Variants in CD8B2 observed in about 807,000 individuals in gnomAD.
CD8B2 encodes T-cell surface glycoprotein CD8 beta-2 chain.
Under a neutral mutation model 23.7 loss-of-function variants are expected in CD8B2, and 11 were observed. The ratio of observed to expected loss-of-function variants is 0.46; its 90% confidence interval spans 0.29 to 0.77. The LOEUF (loss-of-function observed/expected upper bound fraction) is 0.77, where lower values mean the gene tolerates loss of function less well. CD8B2 is among the 30% of genes least tolerant of loss of function. CD8B2 has a pLI of 0.09. For synonymous variants in CD8B2, 90 were observed against 109.3 expected (o/e 0.82, Z 1.10); for missense variants, 197 against 270.5 (o/e 0.73, Z 1.91).
intron 5 of CD8B2, among the ~76,000 whole-genome samples, chr2:106,506,144 A>T (rs1424968126): frequency 3.9e-5 from 6 of 152,160 alleles, no homozygotes; most frequent in Non-Finnish European, 7.4e-5. Context: ...TCAAAAAAAA[A>T]AAAAGAAAGT....
chr2:106,536,200 A>G (rs1419775220), intron 5 of CD8B2, among the ~76,000 whole-genome samples: 2 of 152,126 alleles, frequency 1.3e-5, no homozygotes, highest in South Asian at 4.2e-4. Context: ...GTGCCTGGCT[A>G]ATTTTGTATT....
rs1679560329 is a variant in CD8B2, at chr2:106,508,655, G to A, written c.*1715G>A. 6.6e-6 allele frequency: 1 copy of A among 152,298 alleles called. No individual in the cohort carries two copies. Among genetic ancestry groups the A allele is most frequent in the South Asian group, 2.1e-4 (1 of 4,820 alleles). The allele number at this position is 152,298 out of a possible 1,614,324, so 9.4% of individuals were successfully genotyped here. A position where few individuals can be genotyped will look rare whatever the true frequency, so the allele number is the denominator to read the frequency against. On this transcript the variant is annotated 3_prime_UTR_variant, in exon 6 of 6. Coordinates refer to ENST00000643224, the MANE Select transcript of CD8B2 (RefSeq NM_001349727.2). ...CATGGGCCCAATTGCAAAGTTTTCTGGGTTTTAAGTACCCCTTTTGAGGTA... is the reference window on the plus strand; with the variant it reads ...CATGGGCCCAATTGCAAAGTTTTCTAGGTTTTAAGTACCCCTTTTGAGGTA...
Position 106,507,057 on chromosome 2 carries a change from G to A in CD8B2, c.*117G>A. 6.6e-7 allele frequency: 1 copy of A among 1,504,344 alleles called. No homozygotes were observed. Among genetic ancestry groups the A allele is most frequent in the Non-Finnish European group, 8.9e-7 (1 of 1,125,988 alleles). 93.2% of individuals were successfully genotyped at this position (1,504,344 alleles called of 1,614,324 possible). ...CCTGGAGAGTTCAATGGCTGCTGAA[G>A]CTGCCTGCTTTTCACTGCTGCAAGG... On this transcript the variant is annotated 3_prime_UTR_variant, in exon 6 of 6. Coordinates refer to ENST00000643224, the MANE Select transcript of CD8B2 (RefSeq NM_001349727.2).
rs553598297 is a variant in CD8B2, at chr2:106,538,900, GTCC to G, written c.621-5091_621-5089del. ...TCTGAAACAGTCTCATATGCAGTGT[GTCC>G]CCCTCCCAGAGCTTGTGCACGGTGT... On this transcript the variant is annotated intron_variant, in intron 5 of 5. Transcript: ENST00000416057. Among the ~76,000 whole-genome samples, 261 of 152,202 alleles carry G rather than the reference GTCC, an allele frequency of 1.7e-3. 1 individual carries two copies. Among genetic ancestry groups the G allele is most frequent in the Non-Finnish European group, 3.0e-3 (206 of 68,020 alleles).
rs1465552621 is a variant in CD8B2 at position 106,508,314 on chromosome 2, A to AT, written c.*1374_*1375insT. The AT allele has an allele frequency of 1.3e-5, 2 of 152,126 alleles. No individual in the cohort carries two copies. Among genetic ancestry groups the AT allele is most frequent in the Non-Finnish European group, 2.9e-5 (2 of 68,040 alleles). The allele number at this position is 152,126 out of a possible 1,614,324, so 9.4% of individuals were successfully genotyped here. On this transcript the variant is annotated 3_prime_UTR_variant, in exon 6 of 6. Transcript: ENST00000643224. ...CAGGTTATGTTCAGTTACCTGTGACAACCACAGAATGTAAGAAATGTTACA... is the reference window on the plus strand; with the variant it reads ...CAGGTTATGTTCAGTTACCTGTGACATACCACAGAATGTAAGAAATGTTACA...
chr2:106,542,230 T>C (rs574592191), intron 5 of CD8B2, among the ~76,000 whole-genome samples: 4 of 152,352 alleles, frequency 2.6e-5, no homozygotes, highest in African/African-American at 9.6e-5. Context: ...CGCATCCCTC[T>C]GATATAACAG....
At chr2:106,492,377 T>C (rs1558874708) in intron 2 of CD8B2, among the ~76,000 whole-genome samples, 1 of 152,178 alleles carries the variant, frequency 6.6e-6, no homozygotes, top group Non-Finnish European at 1.5e-5. Context: ...TTTAACTCAA[T>C]TTATTAACTA....
intron 5 of CD8B2, among the ~76,000 whole-genome samples, chr2:106,539,969 T>C (rs1330903956): frequency 6.6e-6 from 1 of 152,252 alleles, no homozygotes; most frequent in Non-Finnish European, 1.5e-5. Context: ...TTTGGTTTAT[T>C]GTTATTCTTG....
At chr2:106,540,532 G>A (rs1225922994) in intron 5 of CD8B2, among the ~76,000 whole-genome samples, 2 of 152,000 alleles carry the variant, frequency 1.3e-5, no homozygotes, top group South Asian at 2.1e-4. Flanking sequence ...GTCTTGAGGG[G>A]GAAAAAGTAA....
chr2:106,516,415 G>A (rs1679730872), intron 5 of CD8B2, among the ~76,000 whole-genome samples: 1 of 152,168 alleles, frequency 6.6e-6, no homozygotes, highest in Non-Finnish European at 1.5e-5. Flanking sequence ...CTTTCCCGAT[G>A]TACCCCTGGT....
At chr2:106,521,213 G>T (rs557949404) in intron 5 of CD8B2, among the ~76,000 whole-genome samples, 1 of 152,182 alleles carries the variant, frequency 6.6e-6, no homozygotes, top group African/African-American at 2.4e-5. Flanking sequence ...GGAGAAGCTG[G>T]CCACCACACT....
intron 5 of CD8B2, among the ~76,000 whole-genome samples, chr2:106,534,482 A>G (rs539558486): frequency 3.0e-4 from 46 of 152,350 alleles, no homozygotes; most frequent in African/African-American, 9.9e-4. Flanking sequence ...TCATTGTAAC[A>G]GAAGAAGCAA....
At chr2:106,539,070 G>A (rs1474890170) in intron 5 of CD8B2, among the ~76,000 whole-genome samples, 5 of 152,226 alleles carry the variant, frequency 3.3e-5, no homozygotes, top group Admixed American at 6.5e-5. Context: ...AAGTGAACAC[G>A]TGTTCACTTA....
chr2:106,495,493 C>T (rs1408820052), intron 2 of CD8B2, among the ~76,000 whole-genome samples: 26 of 152,054 alleles, frequency 1.7e-4, no homozygotes, highest in Non-Finnish European at 2.4e-4. Context: ...GAGCCGAGAT[C>T]GTGCCACTGC....
downstream of CD8B2, among the ~76,000 whole-genome samples, chr2:106,511,825 C>T (rs2104563685): frequency 6.6e-6 from 1 of 152,322 alleles, no homozygotes; most frequent in African/African-American, 2.4e-5. Context: ...AGTTACATAA[C>T]TCAAACAGAA....
intron 3 of CD8B2, among the ~76,000 whole-genome samples, chr2:106,499,211 C>G (rs1317883460): frequency 6.6e-6 from 1 of 152,092 alleles, no homozygotes; most frequent in African/African-American, 2.4e-5. Context: ...ATCCCTGCGA[C>G]CTGCACCCAC....
intron 5 of CD8B2, among the ~76,000 whole-genome samples, chr2:106,524,967 C>A (rs1002393743): frequency 6.6e-6 from 1 of 152,194 alleles, no homozygotes; most frequent in African/African-American, 2.4e-5. Context: ...CTCAGCCAGT[C>A]TCCAGCAGTC....
Position 106,504,297 on chromosome 2 carries a change from A to G in CD8B2, c.592A>G (p.Arg198Gly). 6.4e-7 allele frequency: 1 copy of G among 1,555,678 alleles called. No individual in the cohort carries two copies. The highest frequency in any genetic ancestry group is 1.2e-5 in the South Asian group (1 of 84,262). ...GVAMHLCCRR[R>G]RARLRFMKQF... ...TTGCTTTCCTCTTCCAGGCCGGCGG[A>G]GGAGAGCCCGGCTTCGTTTCATGAA... Residue 198 changes from arginine (R) to glycine (G), a missense_variant, in exon 5 of 6, where the codon AGG (arginine) becomes GGG (glycine). Transcript: ENST00000643224.
At chr2:106,503,543 AAAATG>A in intron 4 of CD8B2, among the ~76,000 whole-genome samples, 1 of 152,390 alleles carries the variant, frequency 6.6e-6, no homozygotes, top group East Asian at 1.9e-4. Flanking sequence ...TAACATGCAT[AAAATG>A]TTAAATAAGC....
Sources: gnomAD v4.1 joint callset for allele counts (sites outside exome capture counted in the v4.1 genomes callset) on GRCh38, gnomAD v4.1.1 for gene constraint, MANE v1.5 for transcripts, NCBI Gene and HGNC (gene_info 2026-07-23, HGNC 2026-07-21) for gene names.